The following DYRK4 variants were observed in gnomAD, a reference collection of about 807,000 sequenced individuals.
The protein encoded by DYRK4 is dual specificity tyrosine phosphorylation regulated kinase 4.
DYRK4 carries 64 observed loss-of-function variants against 68.3 expected under a neutral mutation model. That is an observed-to-expected ratio of 0.94 (90% CI 0.77 to 1.15). DYRK4 has a LOEUF of 1.15. DYRK4 is among the 50% of genes most tolerant of loss of function. The pLI is 0.00. For synonymous variants in DYRK4, 274 were observed against 289.9 expected, an observed-to-expected ratio of 0.95 and a Z score of 0.56; for missense variants, 740 against 764.7, an observed-to-expected ratio of 0.97 and a Z score of 0.38.
chr12:4,563,016 C>T (rs1395617002), intron 1 of DYRK4: 3 of 455,310 alleles, frequency 6.6e-6, no homozygotes, highest in East Asian at 1.4e-4. Flanking sequence ...TCTTAAGCAA[C>T]GGACAGCATC....
intron 6 of DYRK4, among the ~76,000 whole-genome samples, chr12:4,594,354 G>A (rs1235633601): frequency 6.6e-6 from 1 of 152,132 alleles, no homozygotes; most frequent in Non-Finnish European, 1.5e-5. Flanking sequence ...CTCCAGAGTA[G>A]CAGGGATTAC....
In DYRK4 at chr12:4,596,710, A is replaced by C; in HGVS notation, c.886A>C (p.Ile296Leu). The C allele has an allele frequency of 6.2e-7, 1 of 1,614,196 alleles. No individual in the cohort carries two copies. The highest frequency in any genetic ancestry group is 8.5e-7 in the Non-Finnish European group (1 of 1,180,028). Residue 296 changes from isoleucine (I) to leucine (L), a missense_variant, in exon 8 of 15, where the codon ATC becomes CTC. Ile to Leu is a conservative substitution (Grantham distance 5). Transcript: ENST00000543431. ...TTTCTACTTTCGCAATCACTTCTGC[A>C]TCACCTTTGAGCTCCTGGGGTCAGC... ...DFFYFRNHFC[I>L]TFELLGINLY...
At chr12:4,573,950 G>A (rs1439277436) in intron 2 of DYRK4, among the ~76,000 whole-genome samples, 1 of 152,060 alleles carries the variant, frequency 6.6e-6, no homozygotes, top group Non-Finnish European at 1.5e-5. Context: ...CCCAGGCCCC[G>A]CGCAGTGGCT....
chr12:4,594,064 G>A (rs1438850999), intron 6 of DYRK4, among the ~76,000 whole-genome samples: 1 of 152,096 alleles, frequency 6.6e-6, no homozygotes, highest in Non-Finnish European at 1.5e-5. Context: ...CAAGGATTTC[G>A]TTTCTGTCAC....
chr12:4,613,147 T>G lies in DYRK4; in HGVS notation c.1667-368T>G, dbSNP rs1411417291. On this transcript the variant is annotated intron_variant, in intron 14 of 14. Transcript: ENST00000543431. This position sits in a 1 kb window ranked among gnomAD's most constrained non-coding sequence, Gnocchi z 4.0. ...TTTCTGTCAGTGCCAGATTATGGCA[T>G]TATGCAAATTTTTATATGCAATATA... is the stretch of plus-strand genomic sequence containing the variant. Among the ~76,000 whole-genome samples, 1 of 152,222 alleles carries G rather than the reference T, an allele frequency of 6.6e-6. No individual in the cohort carries two copies. Among genetic ancestry groups the G allele is most frequent in the Non-Finnish European group, 1.5e-5 (1 of 68,024 alleles).
Position 4,593,153 on chromosome 12 carries a change from CT to C in DYRK4, c.617del (p.Phe206SerfsTer3), listed in dbSNP as rs1488309048. 1.2e-6 allele frequency: 2 copies of C among 1,613,614 alleles called. No homozygotes were observed. The highest frequency in any genetic ancestry group is 2.7e-5 in the African/African-American group (2 of 74,868). On this transcript the variant is annotated frameshift_variant, in exon 6 of 15. Transcript: ENST00000543431. LOFTEE classifies it high-confidence loss of function. ...SKTSFDDEHG[F>X]YLKVLHDHIA... ...AGACGAGTTTTGATGATGAGCATGGCTTCTATCTGAAGGTGATGGGGGTGGG... is the reference window on the plus strand; with the variant it reads ...AGACGAGTTTTGATGATGAGCATGGCTCTATCTGAAGGTGATGGGGGTGGG...
At chr12:4,577,727 T>C (rs1252654339) in intron 2 of DYRK4, among the ~76,000 whole-genome samples, 1 of 152,244 alleles carries the variant, frequency 6.6e-6, no homozygotes, top group Non-Finnish European at 1.5e-5. Context: ...GAAGAACTAA[T>C]ATCTTCATGA....
intron 2 of DYRK4, chr12:4,580,781 C>T (rs1283216193): frequency 2.2e-6 from 1 of 453,550 alleles, no homozygotes. Context: ...CCCATCCAAC[C>T]ACCAGGCACT....
At chr12:4,562,380 A>C (rs1944635713) in intron 1 of DYRK4, 97 bp downstream of exon 1, 2 of 1,422,354 alleles carry the variant, frequency 1.4e-6, no homozygotes, top group Admixed American at 2.4e-5. Context: ...GGGGAGAATG[A>C]AAAGCGTGCA....
intron 2 of DYRK4, chr12:4,572,697 G>A (rs1379271703): frequency 6.6e-6 from 1 of 152,638 alleles, no homozygotes; most frequent in Admixed American, 6.5e-5. Flanking sequence ...ACATTTTGCT[G>A]TTTGTGAAAC....
intron 10 of DYRK4, chr12:4,602,323 A>G (rs1476123503): frequency 7.7e-6 from 7 of 905,970 alleles, no homozygotes; most frequent in East Asian, 4.9e-5. Context: ...CTCTTCTTCT[A>G]TTTTCTGTTG....
At chr12:4,596,806 G>C (rs1254195898) in intron 8 of DYRK4, 77 bp downstream of exon 8, 6 of 1,590,562 alleles carry the variant, frequency 3.8e-6, no homozygotes, top group Non-Finnish European at 5.1e-6. Flanking sequence ...CAGAACACTA[G>C]ATTTCTCTGG....
chr12:4,576,593 T>C (rs1944791759), intron 2 of DYRK4, among the ~76,000 whole-genome samples: 1 of 152,238 alleles, frequency 6.6e-6, no homozygotes, highest in Non-Finnish European at 1.5e-5. Context: ...ACTGCTACAC[T>C]GTCTTCCAAA....
chr12:4,590,215 TTG>T, intron 3 of DYRK4, 113 bp from the exon 4 acceptor site: 2 of 1,427,126 alleles, frequency 1.4e-6, no homozygotes, highest in Non-Finnish European at 1.8e-6. Context: ...TAGGTCCAGA[TTG>T]GGGTTAGGCT....
intron 2 of DYRK4, among the ~76,000 whole-genome samples, chr12:4,588,391 T>A (rs1351456910): frequency 6.6e-6 from 1 of 152,252 alleles, no homozygotes; most frequent in Non-Finnish European, 1.5e-5. Context: ...CCTCTTCCTC[T>A]GCGGGGTGCT....
intron 6 of DYRK4, among the ~76,000 whole-genome samples, chr12:4,594,737 G>A (rs1414264202): frequency 1.3e-5 from 2 of 151,622 alleles, no homozygotes; most frequent in Non-Finnish European, 2.9e-5. Context: ...GGGCGTTGTG[G>A]GGAAGAAAGG....
intron 2 of DYRK4, among the ~76,000 whole-genome samples, chr12:4,576,826 A>G (rs1565533579): frequency 6.6e-6 from 1 of 152,172 alleles, no homozygotes; most frequent in Admixed American, 6.5e-5. Flanking sequence ...GCTGGTGTTT[A>G]TTCAGATATT....
chr12:4,599,038 T>C lies in DYRK4; in HGVS notation c.916T>C (p.Tyr306His). ...ITFELLGINL[Y>H]ELMKNNNFQG... ...TCCCCTCTTTTCCAGAATCAACTTG[T>C]ATGAGTTGATGAAGAATAACAACTT... is the stretch of plus-strand genomic sequence containing the variant. The change falls in exon 9 of 15, where the codon TAT becomes CAT. Residue 306 changes from tyrosine (Y) to histidine (H), a missense_variant. This residue lies in a region of DYRK4 where 614 missense variants were observed against 603.7 expected (regional missense o/e 1.02). Coordinates refer to ENST00000543431, the MANE Select transcript of DYRK4 (RefSeq NM_001394779.1). 6.2e-7 allele frequency: 1 copy of C among 1,614,154 alleles called. No individual in the cohort carries two copies. The highest frequency in any genetic ancestry group is 8.5e-7 in the Non-Finnish European group (1 of 1,180,030).
At chr12:4,569,467 C>T (rs765284952) in intron 2 of DYRK4, among the ~76,000 whole-genome samples, 18 of 152,056 alleles carry the variant, frequency 1.2e-4, no homozygotes, top group Non-Finnish European at 2.4e-4. Flanking sequence ...TATTGAGTGC[C>T]GAGGTGACTC....
Sources: gnomAD v4.1 joint callset for allele counts (sites outside exome capture counted in the v4.1 genomes callset) on GRCh38, gnomAD v4.1.1 for gene constraint, gnomAD v4.1.1 regional missense constraint, Gnocchi (gnomAD v3.1) non-coding constraint, MANE v1.5 for transcripts, NCBI Gene and HGNC (gene_info 2026-07-23, HGNC 2026-07-21) for gene names.